NCKAP5: variants seen among roughly 807,000 people sequenced by gnomAD.
NCKAP5 encodes the protein NCK associated protein 5.
A neutral mutation model predicts 167.0 loss-of-function variants in NCKAP5; 92 were observed. The ratio of observed to expected loss-of-function variants is 0.55; its 90% CI spans 0.47 to 0.66. The LOEUF is 0.66. NCKAP5 is among the 30% of genes least tolerant of loss of function. The pLI, the probability that NCKAP5 is intolerant of heterozygous loss-of-function variation, is 0.00. For missense variants in NCKAP5, 2,378 were observed against 2,315.0 expected (o/e 1.03, Z -0.56); for synonymous variants, 891 against 877.4 (o/e 1.02, Z -0.27).
intron 2 of NCKAP5, among the ~76,000 whole-genome samples, chr2:133,546,872 G>C (rs1686731979): frequency 6.6e-6 from 1 of 152,214 alleles, no homozygotes; most frequent in African/African-American, 2.4e-5. Context: ...GAAAGGGGAG[G>C]AGCCAAGATG....
At chr2:133,344,570 T>G (rs1344855830) in intron 3 of NCKAP5, among the ~76,000 whole-genome samples, 1 of 152,084 alleles carries the variant, frequency 6.6e-6, no homozygotes, top group African/African-American at 2.4e-5. Context: ...AGGAGTGGTT[T>G]GTATTCATCT....
chr2:133,308,384 G>A (rs938595716), intron 3 of NCKAP5, among the ~76,000 whole-genome samples: 3 of 152,014 alleles, frequency 2.0e-5, no homozygotes, highest in African/African-American at 7.2e-5. Context: ...CACCGCGCCC[G>A]GCTATTGTTC....
intron 6 of NCKAP5, among the ~76,000 whole-genome samples, chr2:133,022,955 T>C (rs760037947): frequency 6.6e-6 from 1 of 152,292 alleles, no homozygotes; most frequent in East Asian, 1.9e-4. Context: ...CCATGTGGCA[T>C]TGAACTAAGA....
At chr2:132,812,179 C>T (rs2100130) in intron 11 of NCKAP5, among the ~76,000 whole-genome samples, 26,541 of 152,080 alleles carry the variant, frequency 0.17, 2,722 homozygotes, top group East Asian at 0.29. Context: ...TGAGTCCTCT[C>T]GGGATTGCTG....
rs1413885706 is a variant in NCKAP5, at chr2:133,520,678, G to A, written c.-61-3091C>T. 2.0e-5 allele frequency among the ~76,000 whole-genome samples: 3 copies of A among 152,176 alleles called. 1 individual carries two copies. The highest frequency in any genetic ancestry group is 7.2e-5 in the African/African-American group (3 of 41,444). On this transcript the variant is annotated intron_variant, in intron 2 of 19. Transcript: ENST00000409261. ...TGAGGCTGTCATTTTGGGAAATGGG[G>A]ATCCTTTTGATAGTTCTCAAATAGT...
rs1432916565 is a variant in NCKAP5, at chr2:132,781,198, T to A, written c.4903A>T (p.Ser1635Cys). The change falls in exon 15 of 20, where the codon AGT (serine) becomes TGT (cysteine). Residue 1635 changes from serine (S) to cysteine (C), a missense_variant. This residue lies in a region of NCKAP5 where 1,325 missense variants were observed against 1,274.5 expected (regional missense o/e 1.04). Transcript: ENST00000409261. ...CTGCAGGAAGCATTACTTGATCCAC[T>A]TTCTGTCTGTGGAGCTGCTTTCTTA... ...VDKKAAPQTE[S>C]GSSNASCRNV... 1 of 1,613,918 alleles carries A rather than the reference T, an allele frequency of 6.2e-7. No individual in the cohort carries two copies. The highest frequency in any genetic ancestry group is 1.7e-5 in the Admixed American group (1 of 59,998).
At chr2:133,320,145 A>G (rs1681926492) in intron 3 of NCKAP5, among the ~76,000 whole-genome samples, 2 of 152,210 alleles carry the variant, frequency 1.3e-5, no homozygotes, top group Admixed American at 1.3e-4. Flanking sequence ...TGTCTCAGCT[A>G]TCATTAGCCA....
chr2:133,543,482 C>T (rs1686396570), intron 2 of NCKAP5, among the ~76,000 whole-genome samples: 1 of 152,150 alleles, frequency 6.6e-6, no homozygotes, highest in Non-Finnish European at 1.5e-5. Context: ...TCAAAGTAAC[C>T]AGATAAAATT....
chr2:133,617,099 A>C, the NCKAP5 span, among the ~76,000 whole-genome samples: 1 of 152,234 alleles, frequency 6.6e-6, no homozygotes, highest in Admixed American at 6.5e-5. Flanking sequence ...ACAAAATTCA[A>C]CAGCCCTTCA....
At chr2:133,299,922 A>G (rs1051555439) in intron 4 of NCKAP5, among the ~76,000 whole-genome samples, 1 of 151,912 alleles carries the variant, frequency 6.6e-6, no homozygotes, top group Non-Finnish European at 1.5e-5. Context: ...TCAAATAGAC[A>G]CAATAAAAAA....
At chr2:133,570,873 G>A (rs1306361406), upstream of NCKAP5, among the ~76,000 whole-genome samples, 1 of 152,136 alleles carries the variant, frequency 6.6e-6, no homozygotes, top group Non-Finnish European at 1.5e-5. Flanking sequence ...TATTAAGAAG[G>A]GACTTTGCCT....
chr2:133,355,789 C>A (rs763728515), intron 3 of NCKAP5, among the ~76,000 whole-genome samples: 2 of 152,108 alleles, frequency 1.3e-5, no homozygotes, highest in African/African-American at 4.8e-5. Context: ...TCAAACCTTG[C>A]GTGTGGAGTA....
chr2:133,012,593 C>G (rs2078199548), intron 6 of NCKAP5, among the ~76,000 whole-genome samples: 1 of 152,106 alleles, frequency 6.6e-6, no homozygotes, highest in Non-Finnish European at 1.5e-5. Flanking sequence ...TTTTCTGCAT[C>G]TTTCTGGTTA....
rs56904291 is a variant in NCKAP5, at chr2:132,961,319, T to TTATAC, written c.579+2400_579+2401insGTATA. Among the ~76,000 whole-genome samples the TTATAC allele has an allele frequency of 4.4e-3, 645 of 147,820 alleles. 5 individuals are homozygous for TTATAC. Among genetic ancestry groups the TTATAC allele is most frequent in the African/African-American group, 0.015 (608 of 39,408 alleles). ...TGTATGACAAAATGACATCTATATA[T>TTATAC]AAGAAGATATATTTATATATATTTA... On this transcript the variant is annotated intron_variant, in intron 8 of 19. Transcript: ENST00000409261.
At chr2:133,076,177 A>C (rs891075103) in intron 6 of NCKAP5, among the ~76,000 whole-genome samples, 2 of 152,212 alleles carry the variant, frequency 1.3e-5, no homozygotes, top group African/African-American at 4.8e-5. Flanking sequence ...TTAAAAAATA[A>C]ATTAAAAACC....
At chr2:133,377,195 T>G (rs1574832626) in intron 3 of NCKAP5, among the ~76,000 whole-genome samples, 1 of 152,234 alleles carries the variant, frequency 6.6e-6, no homozygotes, top group East Asian at 1.9e-4. Context: ...CTATTATTTC[T>G]TATTTTAGGT....
intron 4 of NCKAP5, among the ~76,000 whole-genome samples, chr2:133,220,841 C>A (rs2086629918): frequency 6.6e-6 from 1 of 152,124 alleles, no homozygotes; most frequent in South Asian, 2.1e-4. Flanking sequence ...TGTTCCCTTG[C>A]CACTCTTCAG....
At chr2:132,676,588 A>G (rs1684529463) in intron 19 of NCKAP5, among the ~76,000 whole-genome samples, 1 of 152,190 alleles carries the variant, frequency 6.6e-6, no homozygotes, top group African/African-American at 2.4e-5. Context: ...GTTGAATAAC[A>G]TTTAGATTTA....
At chr2:133,599,552 G>A in the NCKAP5 span, among the ~76,000 whole-genome samples, 1 of 152,160 alleles carries the variant, frequency 6.6e-6, no homozygotes, top group Non-Finnish European at 1.5e-5. Flanking sequence ...CTTTCTAAGT[G>A]CCAGGCATAC....
Sources: gnomAD v4.1 joint callset for allele counts (sites outside exome capture counted in the v4.1 genomes callset) on GRCh38, gnomAD v4.1.1 for gene constraint, gnomAD v4.1.1 regional missense constraint, MANE v1.5 for transcripts, NCBI Gene and HGNC (gene_info 2026-07-23, HGNC 2026-07-21) for gene names.